MUC12: variants seen among roughly 807,000 people sequenced by gnomAD.
The protein encoded by MUC12 is mucin-12.
A neutral mutation model predicts 230.8 loss-of-function variants in MUC12; 172 were observed. That is an observed-to-expected ratio of 0.75 (90% CI 0.66 to 0.85). The LOEUF is 0.85. MUC12 is among the 40% of genes least tolerant of loss of function. The probability of loss-of-function intolerance (pLI) is 0.00; values close to 1 mark genes in which losing one functional copy is unlikely to be tolerated. For missense variants in MUC12, 3,506 were observed against 5,920.6 expected, an observed-to-expected ratio of 0.59 and a Z score of 13.38; for synonymous variants, 1,259 against 2,401.9, an observed-to-expected ratio of 0.52 and a Z score of 13.91.
In MUC12 at chr7:100,991,704, G is replaced by T. The variant is rs752725647; in HGVS notation, c.1141G>T (p.Gly381Cys). Residue 381 changes from glycine to cysteine, a missense_variant, in exon 2 of 12, where the codon GGC becomes TGC. Transcript: ENST00000536621. ...CTTCCCTGAAAGCTCCACAACTTCA[G>T]GCCATAGTGAAGAATCAGCAACTTT... Reference protein sequence around the residue: ...MHFPESSTTSGHSEESATFHG... With the variant: ...MHFPESSTTSCHSEESATFHG... The T allele has an allele frequency of 6.5e-7, 1 of 1,537,948 alleles. No homozygotes were observed. Among genetic ancestry groups the T allele is most frequent in the South Asian group, 1.2e-5 (1 of 84,066 alleles).
At chr7:101,011,240 C>T (rs778534187) in intron 5 of MUC12, among the ~76,000 whole-genome samples, 24 of 152,056 alleles carry the variant, frequency 1.6e-4, no homozygotes, top group Admixed American at 4.6e-4. Context: ...CCTGGCTCAG[C>T]GTCGGCACCC....
Position 100,992,373 on chromosome 7 carries a change from G to T in MUC12, c.1810G>T (p.Ala604Ser). ...CACCACAGCCTCAGGACTCCTTGAA[G>T]CATCTATGCCCGTCCACAGCAGCAC... ...DNTTASGLLE[A>S]SMPVHSSTRS... is the part of the protein sequence containing the mutation. The change falls in exon 2 of 12, where the codon GCA becomes TCA. Residue 604 changes from alanine to serine, a missense_variant. Physicochemically the swap from Ala to Ser is moderately conservative, Grantham distance 99. Transcript: ENST00000536621. 6.5e-7 allele frequency: 1 copy of T among 1,536,682 alleles called. No homozygotes were observed. The highest frequency in any genetic ancestry group is 8.7e-7 in the Non-Finnish European group (1 of 1,146,042).
At position 101,012,349 on chromosome 7, in the gene MUC12, T is replaced by G. The variant is rs1793850860; in HGVS notation, c.15305T>G (p.Leu5102Ter). The G allele has an allele frequency of 4.6e-6, 7 of 1,537,384 alleles. No individual in the cohort carries two copies. The Admixed American group carries it at 1.4e-4, about 30-fold the overall frequency. ...GTCATCCTGGAGGCAGACTACACTTTAGAGTATGAGGAACTGTTTGAAAAC... is the reference window on the plus strand; with the variant it reads ...GTCATCCTGGAGGCAGACTACACTTGAGAGTATGAGGAACTGTTTGAAAAC... ...NDVILEADYTLEYEELFENLA... is the reference protein window; with the variant it reads ...NDVILEADYT The change falls in exon 6 of 12, where the codon TTA (leucine) becomes TGA (stop). Residue 5102 changes from leucine to a stop codon, truncating the protein, a stop_gained. Transcript: ENST00000536621. LOFTEE classifies it high-confidence loss of function.
chr7:101,006,853 A>G (rs1793761447), intron 3 of MUC12, among the ~76,000 whole-genome samples: 1 of 152,246 alleles, frequency 6.6e-6, no homozygotes, highest in South Asian at 2.1e-4. Flanking sequence ...GTTTTGTTAC[A>G]GGAATGCAAT....
Position 101,004,837 on chromosome 7 carries a change from A to T in MUC12, c.14274A>T (p.Thr4758=). The change falls in exon 2 of 12, where the codon ACA becomes ACT. Residue 4758 remains threonine, a synonymous_variant. Coordinates refer to ENST00000536621, the MANE Select transcript of MUC12 (RefSeq NM_001164462.2). ...PDQTLSPASM[T]SSSISGEPTS... is the part of the protein sequence containing the mutation. Reference sequence around the variant, plus strand: ...AAACACTCTCACCTGCCAGCATGACAAGCTCCAGCATCAGTGGAGAACCCA... The same window carrying T: ...AAACACTCTCACCTGCCAGCATGACTAGCTCCAGCATCAGTGGAGAACCCA... 1 of 1,537,158 alleles carries T rather than the reference A, an allele frequency of 6.5e-7. No individual in the cohort carries two copies.
In MUC12 at chr7:100,991,857, G is replaced by A. The variant is rs765520146; in HGVS notation, c.1294G>A (p.Gly432Ser). The A allele has an allele frequency of 2.0e-6, 3 of 1,537,550 alleles. No individual in the cohort carries two copies. The highest frequency in any genetic ancestry group is 2.6e-6 in the Non-Finnish European group (3 of 1,146,842). Residue 432 changes from glycine (G) to serine (S), a missense_variant, in exon 2 of 12, where the codon GGC (glycine) becomes AGC (serine). Physicochemically the swap from Gly to Ser is moderately conservative, Grantham distance 56. Coordinates refer to ENST00000536621, the MANE Select transcript of MUC12 (RefSeq NM_001164462.2). ...THFRDSSTIS[G>S]RSEESKASHS... is the part of the protein sequence containing the mutation. ...CTTCCGTGATAGCTCCACAATCTCA[G>A]GCCGTAGTGAGGAATCAAAAGCATC...
rs751384058 is a variant in MUC12 at position 100,992,680 on chromosome 7, C to G, written c.2117C>G (p.Thr706Arg). The G allele has an allele frequency of 8.6e-5, 132 of 1,536,548 alleles. No individual in the cohort carries two copies. Among genetic ancestry groups the G allele is most frequent in the Non-Finnish European group, 1.1e-4 (123 of 1,146,824 alleles). ...TQTMHFPESD[T>R]TSGRGEESTT... is the part of the protein sequence containing the mutation. The stretch of plus-strand genomic sequence containing the variant: ...ACAATGCACTTCCCTGAAAGCGACA[C>G]AACTTCAGGCCGTGGTGAAGAATCA... The change falls in exon 2 of 12, where the codon ACA (threonine) becomes AGA (arginine). Residue 706 changes from threonine (T) to arginine (R), a missense_variant. Physicochemically the swap from Thr to Arg is moderately conservative, Grantham distance 71 (BLOSUM62 -1). Coordinates refer to ENST00000536621, the MANE Select transcript of MUC12 (RefSeq NM_001164462.2).
At chr7:100,984,057 C>CG (rs1401359269) in intron 1 of MUC12, among the ~76,000 whole-genome samples, 4 of 152,002 alleles carry the variant, frequency 2.6e-5, no homozygotes, top group Non-Finnish European at 4.4e-5. Context: ...CCATGAGGGG[C>CG]GGGGGGTACA....
At chr7:101,005,586 C>A in intron 2 of MUC12, 67 bp downstream of exon 2, 1 of 1,437,678 alleles carries the variant, frequency 7.0e-7, no homozygotes, top group Non-Finnish European at 9.2e-7. Flanking sequence ...TCTTCTTCAT[C>A]CATTACAACC....
Position 100,990,885 on chromosome 7 carries a change from G to T in MUC12, c.322G>T (p.Glu108Ter). The T allele has an allele frequency of 1.3e-6, 2 of 1,537,750 alleles. No homozygotes were observed. The highest frequency in any genetic ancestry group is 2.4e-5 in the East Asian group (1 of 40,896). The part of the protein sequence containing the change: ...SHSATSVFVG[E>*]PKTSPITSAS... ...CTCTGCAACCTCAGTTTTTGTTGGA[G>T]AACCTAAAACCTCACCCATCACTTC... is the stretch of plus-strand genomic sequence containing the variant. The change falls in exon 2 of 12, where the codon GAA (glutamate) becomes TAA (stop). Residue 108 changes from glutamate to a stop codon, truncating the protein, a stop_gained. Transcript: ENST00000536621. LOFTEE classifies it high-confidence loss of function.
chr7:100,973,028 A>G, intron 1 of MUC12: 1 of 702,088 alleles, frequency 1.4e-6, no homozygotes, highest in Non-Finnish European at 2.6e-6. Flanking sequence ...TTTGCTGGGG[A>G]GAGTGTGGTG....
rs1017836503 is a variant in MUC12, at chr7:101,015,362, G to T, written c.15801-253G>T. The T allele has an allele frequency of 5.7e-5, 29 of 509,446 alleles. 1 individual carries two copies. The highest frequency in any genetic ancestry group is 2.8e-4 in the East Asian group (8 of 28,774). 31.6% of individuals were successfully genotyped at this position (509,446 alleles called of 1,614,324 possible). A position where few individuals can be genotyped will look rare whatever the true frequency, so the allele number is the denominator to read the frequency against. ...CAGCAACTGAAGGGAGCTACCCTAC[G>T]CCCCCATCTCATGGATATGGAAACT... is the stretch of plus-strand genomic sequence containing the variant. On this transcript the variant is annotated intron_variant, in intron 9 of 11. Coordinates refer to ENST00000536621, the MANE Select transcript of MUC12 (RefSeq NM_001164462.2).
At position 101,006,107 on chromosome 7, in the gene MUC12, C is replaced by G. The variant is rs115844795; in HGVS notation, c.14957-364C>G. Among the ~76,000 whole-genome samples the G allele has an allele frequency of 8.4e-3, 1,274 of 152,202 alleles. 15 individuals are homozygous for G. Among genetic ancestry groups the G allele is most frequent in the African/African-American group, 0.029 (1,210 of 41,542 alleles). On this transcript the variant is annotated intron_variant, in intron 2 of 11. Transcript: ENST00000536621. ...GCCACCGCGCCGGGCCTCCTTCTGT[C>G]TGTCATCATGAGAATCCGCATCTGC... is the stretch of plus-strand genomic sequence containing the variant.
intron 4 of MUC12, 48 bp downstream of exon 4, chr7:101,008,809 G>A (rs1256794277): frequency 6.6e-7 from 1 of 1,510,484 alleles, no homozygotes; most frequent in African/African-American, 1.4e-5. Flanking sequence ...TCCCACGTGA[G>A]AGGAAATTGG....
At chr7:100,973,198 G>A (rs895908832) in intron 1 of MUC12, 1 of 600,400 alleles carries the variant, frequency 1.7e-6, no homozygotes, top group East Asian at 2.8e-5. Context: ...CCTGGGAGGA[G>A]GACATGAAGG....
chr7:100,977,438 C>T (rs1477208448), intron 1 of MUC12, among the ~76,000 whole-genome samples: 2 of 151,460 alleles, frequency 1.3e-5, no homozygotes, highest in Non-Finnish European at 2.9e-5. Context: ...GCGATCTCGC[C>T]TCACTGCAAC....
At chr7:100,988,755 T>C (rs1793233196) in intron 1 of MUC12, among the ~76,000 whole-genome samples, 1 of 152,154 alleles carries the variant, frequency 6.6e-6, no homozygotes, top group South Asian at 2.1e-4. Context: ...GGTTTGGCTG[T>C]GTCCCCACTC....
chr7:101,006,502 A>C lies in MUC12; in HGVS notation c.14988A>C (p.Gly4996=). 6.5e-7 allele frequency: 1 copy of C among 1,537,182 alleles called. No individual in the cohort carries two copies. Among genetic ancestry groups the C allele is most frequent in the South Asian group, 1.2e-5 (1 of 84,044 alleles). Residue 4996 remains glycine (G), a synonymous_variant, in exon 3 of 12, where the codon GGA becomes GGC. Transcript: ENST00000536621. The part of the protein sequence containing the change: ...GLCQEGQIWN[G]KQCVCPQGYV... The stretch of plus-strand genomic sequence containing the variant: ...GCCAGGAAGGACAAATTTGGAATGG[A>C]AAACAATGCGTCTGTCCCCAAGGCT...
rs61746936 is a variant in MUC12, at chr7:100,991,075, G to A, written c.512G>A (p.Arg171Gln). The A allele has an allele frequency of 0.056, 86,053 of 1,537,580 alleles. 2,899 individuals carry two copies. Among genetic ancestry groups the A allele is most frequent in the Non-Finnish European group, 0.064 (72,899 of 1,146,992 alleles). The stretch of plus-strand genomic sequence containing the variant: ...GAAAAATCAACCACCTCCCACAGCC[G>A]ACCAGGCCCAACGCACACAATAGCG... ...VSEKSTTSHS[R>Q]PGPTHTIAFP... The change falls in exon 2 of 12, where the codon CGA (arginine) becomes CAA (glutamine). Residue 171 changes from arginine (R) to glutamine (Q), a missense_variant. Transcript: ENST00000536621.
Sources: gnomAD v4.1 joint callset for allele counts (sites outside exome capture counted in the v4.1 genomes callset) on GRCh38, gnomAD v4.1.1 for gene constraint, MANE v1.5 for transcripts, NCBI Gene and HGNC (gene_info 2026-07-23, HGNC 2026-07-21) for gene names.